Variants in LRP1B observed in about 807,000 individuals in gnomAD.
LRP1B encodes LDL receptor related protein 1B.
In LRP1B, 217 loss-of-function variants were observed where a neutral mutation model predicts 556.6. The ratio of observed to expected loss-of-function variants is 0.39; its 90% CI spans 0.35 to 0.44. LRP1B has a LOEUF of 0.44. LRP1B is among the 20% of genes least tolerant of loss of function. The probability of loss-of-function intolerance (pLI) is 1.00; values close to 1 mark genes in which losing one functional copy is unlikely to be tolerated. For synonymous variants in LRP1B, 2,047 were observed against 1,865.8 expected (o/e 1.10, Z -2.50); for missense variants, 5,053 against 5,620.8 (o/e 0.90, Z 3.23).
At chr2:140,499,423 A>ACAC (rs1033939371) in intron 55 of LRP1B, among the ~76,000 whole-genome samples, 2 of 151,388 alleles carry the variant, frequency 1.3e-5, no homozygotes, top group African/African-American at 4.8e-5. Context: ...ACATAGAACA[A>ACAC]ACACACACAC....
chr2:140,643,181 A>G (rs1684364620), intron 41 of LRP1B, among the ~76,000 whole-genome samples: 1 of 152,182 alleles, frequency 6.6e-6, no homozygotes, highest in South Asian at 2.1e-4. Context: ...TACAGAAAAA[A>G]AAATGTATAT....
At chr2:140,959,821 A>G (rs1695980383) in intron 18 of LRP1B, among the ~76,000 whole-genome samples, 1 of 151,676 alleles carries the variant, frequency 6.6e-6, no homozygotes, top group Admixed American at 6.6e-5. Context: ...TTTTAAAACT[A>G]CAGAAATTTC....
intron 7 of LRP1B, among the ~76,000 whole-genome samples, chr2:141,067,731 G>A (rs1009572691): frequency 4.6e-5 from 7 of 152,034 alleles, no homozygotes; most frequent in Non-Finnish European, 1.0e-4. Context: ...TGGGATTCAA[G>A]TGAAACCAAA....
rs759336427 is a variant in LRP1B at position 141,098,757 on chromosome 2, A to G, written c.1014-36484T>C. 4.1e-4 allele frequency among the ~76,000 whole-genome samples: 62 copies of G among 152,280 alleles called. 1 individual carries two copies. Among genetic ancestry groups the G allele is most frequent in the Admixed American group, 8.5e-4 (13 of 15,294 alleles). ...ACTGAAACCTCTGCCTCCCAGGTTCAAGTGATTCTCCTGCCTCAGCCTCCG... is the reference window on the plus strand; with the variant it reads ...ACTGAAACCTCTGCCTCCCAGGTTCGAGTGATTCTCCTGCCTCAGCCTCCG... On this transcript the variant is annotated intron_variant, in intron 7 of 90. Coordinates refer to ENST00000389484, the MANE Select transcript of LRP1B (RefSeq NM_018557.3).
chr2:140,535,386 T>TA (rs1690904958), intron 46 of LRP1B, among the ~76,000 whole-genome samples: 1 of 152,198 alleles, frequency 6.6e-6, no homozygotes, highest in South Asian at 2.1e-4. Context: ...ACAAATTCTT[T>TA]AAGACATTGG....
In LRP1B at chr2:140,803,313, C is replaced by G. The variant is rs1273634392; in HGVS notation, c.5359+10344G>C. 1.2e-4 allele frequency among the ~76,000 whole-genome samples: 15 copies of G among 121,478 alleles called. No homozygotes were observed. The East Asian group carries it at 2.4e-3, about 20-fold the overall frequency. 79.7% of individuals were successfully genotyped at this position (121,478 alleles called of 152,430 possible). On this transcript the variant is annotated intron_variant, in intron 32 of 90. Transcript: ENST00000389484. The stretch of plus-strand genomic sequence containing the variant: ...TTTCCGAGATGGAGTCTCCCTCTGT[C>G]TCCCAGGCTGGAGTGCAGTGGCGCG...
At chr2:140,506,950 A>G (rs759993008) in intron 52 of LRP1B, 32 bp from the exon 53 acceptor site, 3 of 1,606,084 alleles carry the variant, frequency 1.9e-6, no homozygotes, top group South Asian at 1.1e-5. Context: ...ATAAAGTTAG[A>G]TGAGCACATA....
At chr2:141,069,872 A>G (rs1281016009) in intron 7 of LRP1B, among the ~76,000 whole-genome samples, 1 of 151,958 alleles carries the variant, frequency 6.6e-6, no homozygotes, top group Admixed American at 6.6e-5. Context: ...TTACATATGT[A>G]TACATGTGCC....
At chr2:141,262,223 G>A (rs1684719087) in intron 3 of LRP1B, among the ~76,000 whole-genome samples, 1 of 151,846 alleles carries the variant, frequency 6.6e-6, no homozygotes, top group South Asian at 2.1e-4. Flanking sequence ...TCTGCCGACT[G>A]TTATTAGGTT....
rs375283336 is a variant in LRP1B, at chr2:141,287,030, G to C, written c.344-32389C>G. Among the ~76,000 whole-genome samples the C allele has an allele frequency of 5.9e-5, 9 of 152,260 alleles. No individual in the cohort carries two copies. In the East Asian group the frequency reaches 1.5e-3, roughly 26 times the overall value. ...CATGATGGGTAGTAAAGATTTGTAA[G>C]TTTCTAGGGATAACTCCCCTTTTAT... On this transcript the variant is annotated intron_variant, in intron 3 of 90. Transcript: ENST00000389484.
At chr2:141,687,562 T>C (rs1312863998) in intron 2 of LRP1B, among the ~76,000 whole-genome samples, 1 of 151,942 alleles carries the variant, frequency 6.6e-6, no homozygotes, top group Non-Finnish European at 1.5e-5. Flanking sequence ...CCACATAGAG[T>C]CAGTTGAATA....
At chr2:140,763,933 CACAAGA>C (rs1266754137) in intron 35 of LRP1B, among the ~76,000 whole-genome samples, 5 of 152,022 alleles carry the variant, frequency 3.3e-5, no homozygotes, top group African/African-American at 9.7e-5. Flanking sequence ...GTTTCACTGT[CACAAGA>C]ACAAGAAGAA....
At chr2:142,074,592 A>G (rs1322599431) in intron 1 of LRP1B, among the ~76,000 whole-genome samples, 1 of 151,958 alleles carries the variant, frequency 6.6e-6, no homozygotes, top group Admixed American at 6.6e-5. Context: ...CACATTCAAT[A>G]TGTTTCCAGC....
intron 35 of LRP1B, among the ~76,000 whole-genome samples, chr2:140,727,529 A>C (rs17513673): frequency 0.045 from 6,835 of 152,292 alleles, 231 homozygotes; most frequent in South Asian, 0.093. Flanking sequence ...GGAGGAAGTG[A>C]AGCTTTTCCT....
At chr2:141,991,498 A>G (rs1702342252) in intron 1 of LRP1B, among the ~76,000 whole-genome samples, 1 of 152,072 alleles carries the variant, frequency 6.6e-6, no homozygotes, top group East Asian at 1.9e-4. Flanking sequence ...GCAAGTTCAG[A>G]TATTTCAACC....
intron 14 of LRP1B, among the ~76,000 whole-genome samples, chr2:141,007,299 C>G (rs1207169798): frequency 6.6e-6 from 1 of 151,662 alleles, no homozygotes; most frequent in Non-Finnish European, 1.5e-5. Flanking sequence ...AACACATTAC[C>G]ACAGGTTATC....
chr2:141,445,771 A>G (rs749774990), intron 3 of LRP1B, among the ~76,000 whole-genome samples: 2 of 152,220 alleles, frequency 1.3e-5, no homozygotes, highest in Admixed American at 6.5e-5. Context: ...ATTTGATTGC[A>G]CTGTGGTCTG....
chr2:140,262,157 C>T (rs1483137439), intron 86 of LRP1B, among the ~76,000 whole-genome samples: 2 of 152,000 alleles, frequency 1.3e-5, no homozygotes, highest in Admixed American at 6.6e-5. Context: ...AAACTTTAGC[C>T]AGGAGCTTCT....
intron 3 of LRP1B, among the ~76,000 whole-genome samples, chr2:141,372,123 A>G (rs1237007940): frequency 6.6e-6 from 1 of 152,090 alleles, no homozygotes; most frequent in Non-Finnish European, 1.5e-5. Context: ...AGATGATCAT[A>G]TAGTTTTTTT....
Sources: gnomAD v4.1 joint callset for allele counts (sites outside exome capture counted in the v4.1 genomes callset) on GRCh38, gnomAD v4.1.1 for gene constraint, MANE v1.5 for transcripts, NCBI Gene and HGNC (gene_info 2026-07-23, HGNC 2026-07-21) for gene names.